Variants in NUP50 observed in about 807,000 individuals in gnomAD.
NUP50 encodes the protein nucleoporin 50.
A neutral mutation model predicts 36.8 loss-of-function variants in NUP50; 14 were observed. That is an observed-to-expected ratio of 0.38 (90% CI 0.25 to 0.59). The LOEUF is 0.59. Among genes scored for constraint, NUP50 ranks in the 20% least tolerant of loss-of-function variants. The pLI is 0.63. For missense variants in NUP50, 455 were observed against 564.6 expected (o/e 0.81, Z 1.97); for synonymous variants, 195 against 210.8 (o/e 0.93, Z 0.65).
At chr22:45,175,845 G>T in intron 3 of NUP50, 49 bp from the exon 4 acceptor site, 1 of 1,587,154 alleles carries the variant, frequency 6.3e-7, no homozygotes, top group Admixed American at 1.7e-5. Flanking sequence ...TTGCTTTTTG[G>T]TAATAGAAAG....
chr22:45,174,428 C>T lies in NUP50; in HGVS notation c.154-1466C>T, dbSNP rs530351321. On this transcript the variant is annotated intron_variant, in intron 3 of 7. Coordinates refer to ENST00000347635, the MANE Select transcript of NUP50 (RefSeq NM_007172.4). ...CTGGGCTCAAGTGACCTGAATGTCTCGGCCTCCCAAAGTACTGGTATTATA... is the reference window on the plus strand; with the variant it reads ...CTGGGCTCAAGTGACCTGAATGTCTTGGCCTCCCAAAGTACTGGTATTATA... 3.3e-5 allele frequency among the ~76,000 whole-genome samples: 5 copies of T among 152,272 alleles called. No individual in the cohort carries two copies. In the East Asian group the frequency reaches 5.8e-4, roughly 18 times the overall value.
At chr22:45,177,433 A>C in intron 4 of NUP50, among the ~76,000 whole-genome samples, 1 of 152,028 alleles carries the variant, frequency 6.6e-6, no homozygotes, top group East Asian at 1.9e-4. Flanking sequence ...TGCCCACCTC[A>C]GCCTCCCAAA....
At chr22:45,177,300 C>T (rs980810617) in intron 4 of NUP50, among the ~76,000 whole-genome samples, 5 of 152,172 alleles carry the variant, frequency 3.3e-5, no homozygotes, top group Admixed American at 2.6e-4. Context: ...CCCCCATCAG[C>T]CTCCCCAGTA....
At position 45,186,373 on chromosome 22, in the gene NUP50, G is replaced by A. The variant is rs1254764537; in HGVS notation, c.*1718G>A. On this transcript the variant is annotated 3_prime_UTR_variant, in exon 8 of 8. Coordinates refer to ENST00000347635, the MANE Select transcript of NUP50 (RefSeq NM_007172.4). Reference sequence around the variant, plus strand: ...TCATAGTAAGCAAGCGGTTGATGCTGTTAATACCGGCCCCACCCGATTGAC... The same window carrying A: ...TCATAGTAAGCAAGCGGTTGATGCTATTAATACCGGCCCCACCCGATTGAC... 1 of 152,214 alleles carries A rather than the reference G, an allele frequency of 6.6e-6. No individual in the cohort carries two copies. The highest frequency in any genetic ancestry group is 2.4e-5 in the African/African-American group (1 of 41,448). The allele number at this position is 152,214 out of a possible 1,614,324, so 9.4% of individuals were successfully genotyped here.
intron 6 of NUP50, 85 bp from the exon 7 acceptor site, chr22:45,183,317 A>C: frequency 1.3e-6 from 1 of 769,618 alleles, no homozygotes; most frequent in Non-Finnish European, 2.3e-6. Flanking sequence ...GATTTTCCAC[A>C]CAAGTGTGAA....
intron 6 of NUP50, 49 bp from the exon 7 acceptor site, chr22:45,183,353 C>G (rs1389617960): frequency 5.5e-6 from 6 of 1,097,076 alleles, no homozygotes; most frequent in African/African-American, 1.6e-5. Context: ...AACTGTGTGA[C>G]TTGATTCGTC....
At chr22:45,183,674 G>GATAATAGTGTGTAAGGAAA in intron 7 of NUP50, 154 bp downstream of exon 7, 1 of 612,724 alleles carries the variant, frequency 1.6e-6, no homozygotes. Context: ...TGAGTCCCAG[G>GATAATAGTGTGTAAGGAAA]ATAATAGTGT....
chr22:45,183,620 C>T (rs535057659), intron 7 of NUP50, 100 bp downstream of exon 7: 86 of 778,006 alleles, frequency 1.1e-4, no homozygotes, highest in South Asian at 6.7e-4. Flanking sequence ...TTAAACAGAG[C>T]GCATTCAGGC....
rs192225656 is a variant in NUP50, at chr22:45,174,562, G to A, written c.154-1332G>A. ...AACTTGTGGTTCTTGAATTTTTGTT[G>A]TGATTCTAGAGCCAATTTACTATCA... On this transcript the variant is annotated intron_variant, in intron 3 of 7. Transcript: ENST00000347635. Among the ~76,000 whole-genome samples, 77 of 152,120 alleles carry A rather than the reference G, an allele frequency of 5.1e-4. No individual in the cohort carries two copies. The East Asian group carries it at 0.014, about 27-fold the overall frequency.
chr22:45,176,610 G>C (rs2074280524), intron 4 of NUP50, among the ~76,000 whole-genome samples: 1 of 152,176 alleles, frequency 6.6e-6, no homozygotes, highest in Non-Finnish European at 1.5e-5. Flanking sequence ...AGGATCACGG[G>C]TTAAAAGCTT....
At chr22:45,168,896 A>G (rs4823450) in intron 2 of NUP50, among the ~76,000 whole-genome samples, 65,499 of 138,468 alleles carry the variant, frequency 0.47, 15,524 homozygotes, top group Middle Eastern at 0.53. Context: ...TCTATAAAAA[A>G]AATTTTTTTT....
chr22:45,178,957 A>C (rs2074322977), intron 5 of NUP50, 57 bp downstream of exon 5: 3 of 1,504,796 alleles, frequency 2.0e-6, no homozygotes, highest in Admixed American at 2.1e-5. Flanking sequence ...GTTTCTTGGG[A>C]AACCCAGAGA....
intron 2 of NUP50, 129 bp downstream of exon 2, chr22:45,168,375 A>G (rs1449758448): frequency 4.6e-6 from 3 of 649,642 alleles, no homozygotes; most frequent in Non-Finnish European, 8.2e-6. Flanking sequence ...GGGAGATGAC[A>G]AGAAATTATA....
chr22:45,170,859 AT>A, intron 2 of NUP50: 1 of 478,536 alleles, frequency 2.1e-6, no homozygotes, highest in South Asian at 2.0e-5. Flanking sequence ...AGTTAAGTAC[AT>A]TTAACTTGGG....
chr22:45,170,278 T>G (rs1031167766), intron 2 of NUP50, among the ~76,000 whole-genome samples: 1 of 152,048 alleles, frequency 6.6e-6, no homozygotes, highest in East Asian at 1.9e-4. Context: ...AGCTGTTTTC[T>G]CTTTATCTCT....
intron 3 of NUP50, chr22:45,171,930 A>T: frequency 2.3e-6 from 1 of 440,230 alleles, no homozygotes. Flanking sequence ...GAGAAGAAAA[A>T]TGAGCAAAGC....
intron 3 of NUP50, among the ~76,000 whole-genome samples, chr22:45,173,180 G>C (rs1239220999): frequency 2.0e-5 from 3 of 152,154 alleles, no homozygotes; most frequent in Non-Finnish European, 4.4e-5. Flanking sequence ...TAGAGATTAG[G>C]TCTTGTGTTT....
intron 3 of NUP50, among the ~76,000 whole-genome samples, chr22:45,173,343 T>G (rs945178339): frequency 1.3e-5 from 2 of 151,924 alleles, no homozygotes; most frequent in Admixed American, 6.6e-5. Context: ...CAGGTGTTTT[T>G]TTTTTTTTTT....
Position 45,182,623 on chromosome 22 carries a change from G to GTTTTTTTTTTT in NUP50, c.1086-770_1086-760dup, listed in dbSNP as rs550478534. On this transcript the variant is annotated intron_variant, in intron 6 of 7. Coordinates refer to ENST00000347635, the MANE Select transcript of NUP50 (RefSeq NM_007172.4). ...AAAAACTGAAAGAGCCTTGAGGTTT[G>GTTTTTTTTTTT]TTTTTTTTTTTTTTTTTTTGAGACG... 6.5e-4 allele frequency among the ~76,000 whole-genome samples: 62 copies of GTTTTTTTTTTT among 95,942 alleles called. 3 individuals carry two copies. The highest frequency in any genetic ancestry group is 2.2e-3 in the African/African-American group (51 of 23,648). 62.9% of individuals were successfully genotyped at this position (95,942 alleles called of 152,430 possible). A position where few individuals can be genotyped will look rare whatever the true frequency, so the allele number is the denominator to read the frequency against.
Sources: gnomAD v4.1 joint callset for allele counts (sites outside exome capture counted in the v4.1 genomes callset) on GRCh38, gnomAD v4.1.1 for gene constraint, MANE v1.5 for transcripts, NCBI Gene and HGNC (gene_info 2026-07-23, HGNC 2026-07-21) for gene names.